Variants in KIF1A observed in about 807,000 individuals in gnomAD.
KIF1A encodes the protein kinesin family member 1A.
KIF1A carries 46 observed loss-of-function variants against 227.3 expected under a neutral mutation model. That is an observed-to-expected ratio of 0.20 (90% CI 0.16 to 0.26). The LOEUF is 0.26. KIF1A is among the 10% of genes least tolerant of loss of function. The pLI is 1.00. For synonymous variants in KIF1A, 1,022 were observed against 1,012.8 expected (o/e 1.01, Z -0.17); for missense variants, 1,683 against 2,485.9 (o/e 0.68, Z 6.87).
intron 10 of KIF1A, chr2:240,782,256 C>T: frequency 1.0e-6 from 1 of 956,864 alleles, no homozygotes; most frequent in Non-Finnish European, 1.2e-6. Context: ...GCTCCCCAGC[C>T]CTCTCCATGT....
chr2:240,794,857 G>A (rs572721709), intron 2 of KIF1A, among the ~76,000 whole-genome samples: 1 of 152,224 alleles, frequency 6.6e-6, no homozygotes, highest in Non-Finnish European at 1.5e-5. Flanking sequence ...GGCTACAGTG[G>A]GCAGGACACT....
intron 1 of KIF1A, among the ~76,000 whole-genome samples, chr2:240,806,497 A>G (rs1292916985): frequency 6.6e-6 from 1 of 152,206 alleles, no homozygotes; most frequent in East Asian, 1.9e-4. Context: ...GGCATGCCCT[A>G]GGTGGGGGAC....
intron 15 of KIF1A, among the ~76,000 whole-genome samples, chr2:240,769,964 A>G (rs2051729359): frequency 6.6e-6 from 1 of 152,194 alleles, no homozygotes; most frequent in African/African-American, 2.4e-5. Context: ...GGAGATTCTG[A>G]GCCTCGGCTC....
chr2:240,719,844 C>G lies in KIF1A; in HGVS notation c.4951G>C (p.Ala1651Pro), dbSNP rs112808596. Residue 1651 changes from alanine to proline, a missense_variant, in exon 46 of 49, where the codon GCC becomes CCC. Ala to Pro is a conservative substitution (Grantham distance 27). Transcript: ENST00000498729. The part of the protein sequence containing the change: ...EADSKKLPSP[A>P]RATETDKEPQ... Reference sequence around the variant, plus strand: ...TCCTTGTCTGTCTCTGTTGCCCGGGCAGGGGAAGGGAGCTTCTTGGAGTCG... The same window carrying G: ...TCCTTGTCTGTCTCTGTTGCCCGGGGAGGGGAAGGGAGCTTCTTGGAGTCG... The G allele has an allele frequency of 6.2e-7, 1 of 1,611,602 alleles. No homozygotes were observed. Among genetic ancestry groups the G allele is most frequent in the African/African-American group, 1.3e-5 (1 of 74,854 alleles).
rs2051091379 is a variant in KIF1A, at chr2:240,765,731, C to T, written c.1747G>A (p.Glu583Lys). ...DTYVNGKKVT[E>K]PSILRSGNRI... ...ATACCTGAACGCAGGATGCTGGGCT[C>T]TGTGACTTTCTTGCCATTGACGTAG... Residue 583 changes from glutamate (E) to lysine (K), a missense_variant, in exon 20 of 49, where the codon GAG becomes AAG. By Grantham distance (56) the Glu-to-Lys change is moderately conservative. Coordinates refer to ENST00000498729, the MANE Select transcript of KIF1A (RefSeq NM_001244008.2). 1.9e-6 allele frequency: 3 copies of T among 1,613,554 alleles called. No individual in the cohort carries two copies. Among genetic ancestry groups the T allele is most frequent in the South Asian group, 1.1e-5 (1 of 91,076 alleles).
intron 1 of KIF1A, among the ~76,000 whole-genome samples, chr2:240,806,016 CAAAGAAGACA>C (rs1050086739): frequency 7.9e-5 from 12 of 152,182 alleles, no homozygotes; most frequent in Non-Finnish European, 1.8e-4. Context: ...CAATAACTAG[CAAAGAAGACA>C]AAATATACGA....
chr2:240,782,388 C>T (rs893822366), intron 10 of KIF1A, among the ~76,000 whole-genome samples: 9 of 152,276 alleles, frequency 5.9e-5, no homozygotes, highest in African/African-American at 2.2e-4. Context: ...GAGGCCGCCC[C>T]GGACGCCCTC....
At chr2:240,734,808 G>T (rs922403241) in intron 38 of KIF1A, 16 of 1,243,732 alleles carry the variant, frequency 1.3e-5, no homozygotes, top group Non-Finnish European at 1.7e-5. Flanking sequence ...AGCGGGGTGG[G>T]GGACAGGCAG....
rs751413852 is a variant in KIF1A, at chr2:240,757,462, G to A, written c.2715C>T (p.Ser905=). ...SDATEPAEEQ[S]VGEEEEEEEE... ...CCTCCTCCTCCTCCTCCTCCCCCAC[G>A]CTCTGCTCCTCGGCAGGCTCGGTGG... Residue 905 remains serine (S), a synonymous_variant, in exon 27 of 49, where the codon AGC becomes AGT. Coordinates refer to ENST00000498729, the MANE Select transcript of KIF1A (RefSeq NM_001244008.2). The surrounding 1 kb of genome is among the most constrained non-coding windows in gnomAD (Gnocchi z 6.2). 119 of 1,548,780 alleles carry A rather than the reference G, an allele frequency of 7.7e-5. 2 individuals are homozygous for A. In the Admixed American group the frequency reaches 2.1e-3, roughly 28 times the overall value.
intron 14 of KIF1A, among the ~76,000 whole-genome samples, chr2:240,771,757 TG>T (rs947098513): frequency 5.3e-5 from 8 of 152,292 alleles, no homozygotes; most frequent in African/African-American, 1.9e-4. Flanking sequence ...GAGACCATCC[TG>T]GAGGAGGTGA....
At chr2:240,728,629 G>T (rs2046288985) in intron 38 of KIF1A, among the ~76,000 whole-genome samples, 1 of 152,244 alleles carries the variant, frequency 6.6e-6, no homozygotes, top group Admixed American at 6.5e-5. Flanking sequence ...CTTCCCTGGG[G>T]TCTGCAGTGA....
In KIF1A at chr2:240,789,453, G is replaced by A; in HGVS notation, c.107-141C>T. The A allele has an allele frequency of 1.5e-6, 1 of 673,434 alleles. No homozygotes were observed. Among genetic ancestry groups the A allele is most frequent in the Non-Finnish European group, 2.7e-6 (1 of 373,924 alleles). The allele number at this position is 673,434 out of a possible 1,614,324, so 41.7% of individuals were successfully genotyped here. A position where few individuals can be genotyped will look rare whatever the true frequency, so the allele number is the denominator to read the frequency against. On this transcript the variant is annotated intron_variant, in intron 2 of 48. Transcript: ENST00000498729. The surrounding 1 kb of genome is among the most constrained non-coding windows in gnomAD (Gnocchi z 4.8). ...GGCCCCCAAATTGGAGGGGACCTAG[G>A]ACCCCACTCCCAGGCAGATGAGCTG... is the stretch of plus-strand genomic sequence containing the variant.
At chr2:240,734,685 A>C (rs1318395247) in intron 38 of KIF1A, 2 of 1,302,590 alleles carry the variant, frequency 1.5e-6, no homozygotes, top group South Asian at 1.2e-5. Flanking sequence ...GGCTGAAATG[A>C]AACCAAGGGT....
chr2:240,720,499 T>C (rs1326049048), intron 45 of KIF1A: 1 of 161,754 alleles, frequency 6.2e-6, no homozygotes, highest in Non-Finnish European at 1.3e-5. Context: ...GCTTATGAAT[T>C]GTACATAAGG....
intron 10 of KIF1A, among the ~76,000 whole-genome samples, chr2:240,779,581 C>T (rs527667666): frequency 9.1e-4 from 137 of 150,862 alleles, no homozygotes; most frequent in African/African-American, 3.3e-3. Flanking sequence ...TCCTCAGTTC[C>T]TCACTCAGTT....
chr2:240,765,168 CCT>C (rs1353012003), intron 20 of KIF1A, among the ~76,000 whole-genome samples: 1 of 152,262 alleles, frequency 6.6e-6, no homozygotes, highest in African/African-American at 2.4e-5. Context: ...AAGAGGGCCC[CCT>C]GTCTGACTGT....
Position 240,757,665 on chromosome 2 carries a change from CG to C in KIF1A, c.2583-72del. On this transcript the variant is annotated intron_variant, in intron 26 of 48. Transcript: ENST00000498729. This position sits in a 1 kb window ranked among gnomAD's most constrained non-coding sequence, Gnocchi z 6.2. ...CGCAGGGACGAACAGGGGCCGGGGC[CG>C]GGGCTGGGGGGCTTCTGTTTAAAAC... is the stretch of plus-strand genomic sequence containing the variant. The C allele has an allele frequency of 7.3e-7, 1 of 1,367,278 alleles. No individual in the cohort carries two copies. The highest frequency in any genetic ancestry group is 9.9e-7 in the Non-Finnish European group (1 of 1,005,490). The allele number at this position is 1,367,278 out of a possible 1,614,324, so 84.7% of individuals were successfully genotyped here. A position where few individuals can be genotyped will look rare whatever the true frequency, so the allele number is the denominator to read the frequency against.
intron 12 of KIF1A, 55 bp from the exon 13 acceptor site, chr2:240,773,311 G>T: frequency 6.2e-7 from 1 of 1,604,606 alleles, no homozygotes; most frequent in Non-Finnish European, 8.5e-7. Context: ...CATCTGGCAG[G>T]TCCCAAGGGT....
At chr2:240,812,046 A>G (rs1166533828) in intron 1 of KIF1A, among the ~76,000 whole-genome samples, 1 of 152,124 alleles carries the variant, frequency 6.6e-6, no homozygotes, top group African/African-American at 2.4e-5. Context: ...AGGACAGAGG[A>G]GAGGGGAACA....
Sources: allele counts gnomAD v4.1 joint callset (sites outside exome capture counted in the v4.1 genomes callset), GRCh38; gene constraint gnomAD v4.1.1; non-coding constraint Gnocchi (gnomAD v3.1); transcripts MANE v1.5; gene names NCBI Gene and HGNC (gene_info 2026-07-23, HGNC 2026-07-21).